ECPAS: variants seen among roughly 807,000 people sequenced by gnomAD.
ECPAS encodes the protein proteasome adapter and scaffold protein ECM29.
In ECPAS, 70 loss-of-function variants were observed where a neutral mutation model predicts 255.1. The ratio of observed to expected loss-of-function variants is 0.27; its 90% CI spans 0.23 to 0.33. The LOEUF is 0.33. Among genes scored for constraint, ECPAS ranks in the 10% least tolerant of loss-of-function variants. ECPAS has a pLI of 1.00. For missense variants in ECPAS, 1,817 were observed against 2,206.4 expected (o/e 0.82, Z 3.54); for synonymous variants, 784 against 775.0 (o/e 1.01, Z -0.19).
intron 24 of ECPAS, among the ~76,000 whole-genome samples, chr9:111,401,119 T>A (rs141311578): frequency 3.4e-4 from 51 of 151,970 alleles, no homozygotes; most frequent in African/African-American, 1.1e-3. Context: ...GTGCTAAAAG[T>A]AAGAAAGAAA....
intron 26 of ECPAS, 77 bp downstream of exon 26, chr9:111,394,083 T>G (rs1489041586): frequency 3.6e-6 from 5 of 1,371,946 alleles, no homozygotes; most frequent in South Asian, 1.6e-5. Context: ...GTTAATGACC[T>G]TCACCCTCAT....
chr9:111,422,103 CA>C, intron 14 of ECPAS, 30 bp downstream of exon 14: 1 of 1,613,760 alleles, frequency 6.2e-7, no homozygotes, highest in Non-Finnish European at 8.5e-7. Context: ...CATCCAAACA[CA>C]AAGCATAAAC....
intron 29 of ECPAS, among the ~76,000 whole-genome samples, chr9:111,390,561 T>C (rs1283053030): frequency 2.6e-5 from 4 of 152,256 alleles, no homozygotes; most frequent in Non-Finnish European, 5.9e-5. Context: ...TTTTGTTATT[T>C]TGTAAAATGT....
chr9:111,363,771 G>A (rs749451482), intron 48 of ECPAS, 112 bp from the exon 49 acceptor site: 152 of 617,156 alleles, frequency 2.5e-4, no homozygotes, highest in Non-Finnish European at 3.4e-4. Flanking sequence ...CTAGGGAAGG[G>A]TATATCTGAT....
At position 111,366,103 on chromosome 9, in the gene ECPAS, T is replaced by TG. The variant is rs1436359035; in HGVS notation, c.5308+135dup. 10 of 591,618 alleles carry TG rather than the reference T, an allele frequency of 1.7e-5. No homozygotes were observed. In the East Asian group the frequency reaches 2.8e-4, roughly 17 times the overall value. The allele number at this position is 591,618 out of a possible 1,614,324, so 36.6% of individuals were successfully genotyped here. On this transcript the variant is annotated intron_variant, in intron 48 of 49. Coordinates refer to ENST00000684092, the MANE Select transcript of ECPAS (RefSeq NM_001364929.1). ...AAATATTCCAGTTAAGGGGTACACATGGAGTATAATAAGTAGCAGAGTCCA... is the reference window on the plus strand; with the variant it reads ...AAATATTCCAGTTAAGGGGTACACATGGGAGTATAATAAGTAGCAGAGTCCA...
At chr9:111,439,271 CTTTT>C (rs909855823) in intron 6 of ECPAS, among the ~76,000 whole-genome samples, 66 of 150,904 alleles carry the variant, frequency 4.4e-4, no homozygotes, top group Middle Eastern at 3.4e-3. Context: ...TTCTTTTTTC[CTTTT>C]TTTTTGTTTT....
chr9:111,418,928 C>G (rs2098208737), intron 16 of ECPAS, among the ~76,000 whole-genome samples: 1 of 152,106 alleles, frequency 6.6e-6, no homozygotes, highest in Non-Finnish European at 1.5e-5. Context: ...GCCACTTTAA[C>G]CAGATTGAAA....
At chr9:111,411,336 G>C (rs559371653) in intron 21 of ECPAS, among the ~76,000 whole-genome samples, 194 bp from the exon 22 acceptor site, 158 of 152,218 alleles carry the variant, frequency 1.0e-3, no homozygotes, top group African/African-American at 3.7e-3. Flanking sequence ...AGTTTCTAAC[G>C]GAATTTTGAG....
At chr9:111,437,298 C>A (rs1269309547) in intron 6 of ECPAS, among the ~76,000 whole-genome samples, 190 bp from the exon 7 acceptor site, 18 of 152,050 alleles carry the variant, frequency 1.2e-4, no homozygotes, top group Admixed American at 1.2e-3. Context: ...AGCAAATTAA[C>A]CAGAGAGCAC....
chr9:111,436,197 A>AT lies in ECPAS; in HGVS notation c.708+742_708+743insA, dbSNP rs2098237964. On this transcript the variant is annotated intron_variant, in intron 7 of 49. Transcript: ENST00000684092. ...TAATCAATGGTCACTTACATTTCCC[A>AT]AAAAAAAAGGGATCAAATCATTTAG... Among the ~76,000 whole-genome samples the AT allele has an allele frequency of 2.7e-5, 4 of 150,900 alleles. No homozygotes were observed. The South Asian group carries it at 8.4e-4, about 32-fold the overall frequency.
chr9:111,409,153 G>A lies in ECPAS; in HGVS notation c.2551-481C>T, dbSNP rs541598963. Among the ~76,000 whole-genome samples, 23 of 152,188 alleles carry A rather than the reference G, an allele frequency of 1.5e-4. No individual in the cohort carries two copies. The East Asian group carries it at 1.7e-3, about 12-fold the overall frequency. ...ATGCAAAGCACTTAACATACTCTCC[G>A]GCACATTAGAAGTGCTTAACAATGT... On this transcript the variant is annotated intron_variant, in intron 23 of 49. Transcript: ENST00000684092.
At position 111,416,329 on chromosome 9, in the gene ECPAS, T is replaced by C; in HGVS notation, c.1707A>G (p.Pro569=). 3.1e-6 allele frequency: 5 copies of C among 1,613,750 alleles called. No individual in the cohort carries two copies. The highest frequency in any genetic ancestry group is 2.2e-5 in the East Asian group (1 of 44,864). ...CAGTGGTCCCGGTCATGTACTTGACTGGAGTTTTCATTCGATGAGAAGCCT... is the reference window on the plus strand; with the variant it reads ...CAGTGGTCCCGGTCATGTACTTGACCGGAGTTTTCATTCGATGAGAAGCCT... The part of the protein sequence containing the change: ...QEKASHRMKT[P]VKYMTGTTVL... Residue 569 remains proline, a synonymous_variant, in exon 18 of 50, where the codon CCA becomes CCG. Coordinates refer to ENST00000684092, the MANE Select transcript of ECPAS (RefSeq NM_001364929.1).
intron 36 of ECPAS, 143 bp downstream of exon 36, chr9:111,378,437 C>CA (rs551609221): frequency 1.0e-4 from 81 of 797,212 alleles, no homozygotes; most frequent in Non-Finnish European, 1.4e-4. Flanking sequence ...AACCTCTCTC[C>CA]AAAAAAACAG....
intron 24 of ECPAS, among the ~76,000 whole-genome samples, chr9:111,400,255 CTCAG>C (rs2098173748): frequency 6.6e-6 from 1 of 152,220 alleles, no homozygotes; most frequent in Admixed American, 6.5e-5. Flanking sequence ...GAACTCAACA[CTCAG>C]TCATATTTGA....
chr9:111,481,624 G>A (rs1564574912), intron 1 of ECPAS, among the ~76,000 whole-genome samples: 1 of 152,134 alleles, frequency 6.6e-6, no homozygotes, highest in Non-Finnish European at 1.5e-5. Context: ...CTGAAAGCAA[G>A]GTCTCAAAGG....
chr9:111,386,321 T>G (rs1282545521), intron 32 of ECPAS, 56 bp downstream of exon 32: 16 of 1,135,710 alleles, frequency 1.4e-5, no homozygotes, highest in Non-Finnish European at 2.1e-5. Context: ...CTAGAAATTT[T>G]GAAGGGAAAA....
chr9:111,399,144 T>C (rs966792094), intron 24 of ECPAS, among the ~76,000 whole-genome samples: 1 of 152,152 alleles, frequency 6.6e-6, no homozygotes, highest in African/African-American at 2.4e-5. Flanking sequence ...AAACACCTCA[T>C]GTACCCCATA....
At chr9:111,414,367 G>T in intron 19 of ECPAS, 62 bp downstream of exon 19, 2 of 1,414,618 alleles carry the variant, frequency 1.4e-6, no homozygotes, top group Non-Finnish European at 2.0e-6. Context: ...TCTTAGCAAA[G>T]TTTAAAATTA....
intron 11 of ECPAS, 35 bp from the exon 12 acceptor site, chr9:111,425,531 A>T: frequency 7.1e-7 from 1 of 1,415,228 alleles, no homozygotes; most frequent in African/African-American, 1.4e-5. Flanking sequence ...AAGCAAGATA[A>T]GAATCTCATG....
Sources: allele counts gnomAD v4.1 joint callset (sites outside exome capture counted in the v4.1 genomes callset), GRCh38; gene constraint gnomAD v4.1.1; transcripts MANE v1.5; gene names NCBI Gene and HGNC (gene_info 2026-07-23, HGNC 2026-07-21).